Variants in NHSL1 observed in about 807,000 individuals in gnomAD.
NHSL1 encodes NHS like 1, also known as NHS-like protein 1.
A neutral mutation model predicts 95.0 loss-of-function variants in NHSL1; 48 were observed. The observed-to-expected ratio is 0.51, with a 90% CI of 0.40 to 0.64. NHSL1 has a LOEUF of 0.64. Ranked by LOEUF, NHSL1 falls within the 30% of genes least tolerant of loss-of-function variation. The pLI, the probability that NHSL1 is intolerant of heterozygous loss-of-function variation, is 0.00. For missense variants in NHSL1, 1,971 were observed against 2,077.7 expected (o/e 0.95, Z 1.00); for synonymous variants, 783 against 833.9 (o/e 0.94, Z 1.05).
At chr6:138,630,828 G>C (rs1382391672) in intron 1 of NHSL1, among the ~76,000 whole-genome samples, 4 of 152,206 alleles carry the variant, frequency 2.6e-5, no homozygotes, top group Non-Finnish European at 5.9e-5. Flanking sequence ...TGGTGGAATA[G>C]AAGGCTCCAC....
chr6:138,451,626 C>T (rs1231348356), intron 3 of NHSL1, among the ~76,000 whole-genome samples: 2 of 152,174 alleles, frequency 1.3e-5, no homozygotes, highest in Non-Finnish European at 1.5e-5. Context: ...TAGAACTTAT[C>T]TCACTTAATC....
rs540003960 is a variant in NHSL1, at chr6:138,624,879, C to T, written c.96+67597G>A. Among the ~76,000 whole-genome samples the T allele has an allele frequency of 2.6e-4, 39 of 152,222 alleles. No individual in the cohort carries two copies. The South Asian group carries it at 4.8e-3, about 19-fold the overall frequency. On this transcript the variant is annotated intron_variant, in intron 1 of 3. Coordinates refer to the NHSL1 transcript ENST00000491526. ...CTTATAATAGCTATACCTATCTCTA[C>T]CGTTTTCAATTACAGGTTTTCCTGA...
At chr6:138,687,955 CTT>C (rs71549004) in intron 1 of NHSL1, among the ~76,000 whole-genome samples, 2 of 148,552 alleles carry the variant, frequency 1.3e-5, no homozygotes, top group African/African-American at 2.4e-5. Flanking sequence ...AAATTGTACA[CTT>C]TTTTTTTTTG....
At chr6:138,592,059 G>T (rs1332451882) in intron 1 of NHSL1, among the ~76,000 whole-genome samples, 6 of 152,048 alleles carry the variant, frequency 3.9e-5, no homozygotes, top group Admixed American at 3.9e-4. Flanking sequence ...ATTATTCCAT[G>T]ACAATAAATG....
chr6:138,610,780 A>T (rs1583448186), intron 1 of NHSL1, among the ~76,000 whole-genome samples: 1 of 152,194 alleles, frequency 6.6e-6, no homozygotes, highest in East Asian at 1.9e-4. Flanking sequence ...CTGCATCTGA[A>T]AATAAAGGCA....
At chr6:138,452,010 A>G (rs1325105357) in intron 3 of NHSL1, among the ~76,000 whole-genome samples, 2 of 152,240 alleles carry the variant, frequency 1.3e-5, no homozygotes, top group African/African-American at 4.8e-5. Context: ...CTTCATGTTA[A>G]TGAAATCCCT....
chr6:138,432,195 C>T lies in NHSL1; in HGVS notation c.2150G>A (p.Gly717Asp). Residue 717 changes from glycine (G) to aspartate (D), a missense_variant, in exon 6 of 8, where the codon GGC becomes GAC. Physicochemically the swap from Gly to Asp is moderately conservative, Grantham distance 94 (BLOSUM62 -1). Around this residue, in one of 3 missense-constraint regions of NHSL1, gnomAD observed 1,602 missense variants for 1,654.5 expected, o/e 0.97. Transcript: ENST00000343505. The surrounding 1 kb of genome is among the most constrained non-coding windows in gnomAD (Gnocchi z 4.4). ...SLQLSLPGKS[G>D]SSPSQSPCSD... Reference sequence around the variant, plus strand: ...GCAGGGGCTCTGGGAGGGCGAGCTGCCACTCTTGCCTGGGAGGCTCAGCTG... The same window carrying T: ...GCAGGGGCTCTGGGAGGGCGAGCTGTCACTCTTGCCTGGGAGGCTCAGCTG... 6.5e-7 allele frequency: 1 copy of T among 1,546,748 alleles called. No individual in the cohort carries two copies. The highest frequency in any genetic ancestry group is 2.4e-5 in the East Asian group (1 of 40,826).
chr6:138,429,429 G>A (rs930809053), intron 7 of NHSL1, among the ~76,000 whole-genome samples: 1 of 152,156 alleles, frequency 6.6e-6, no homozygotes, highest in Non-Finnish European at 1.5e-5. Context: ...TCTGTCTTAT[G>A]ACTGCCACAC....
chr6:138,485,301 T>C (rs1262040901), intron 2 of NHSL1, among the ~76,000 whole-genome samples: 6 of 152,108 alleles, frequency 3.9e-5, no homozygotes, highest in Non-Finnish European at 8.8e-5. Context: ...GGAGTTAAAA[T>C]AGAATTGCTG....
rs1032309298 is a variant in NHSL1 at position 138,431,061 on chromosome 6, C to G, written c.3284G>C (p.Arg1095Pro). 3.9e-6 allele frequency: 6 copies of G among 1,552,018 alleles called. No homozygotes were observed. The highest frequency in any genetic ancestry group is 5.2e-6 in the Non-Finnish European group (6 of 1,147,076). Residue 1095 changes from arginine (R) to proline (P), a missense_variant, in exon 6 of 8, where the codon CGA becomes CCA. Physicochemically the swap from Arg to Pro is moderately radical, Grantham distance 103 (BLOSUM62 -2). Around this residue, in one of 3 missense-constraint regions of NHSL1, gnomAD observed 1,602 missense variants for 1,654.5 expected, o/e 0.97. Coordinates refer to ENST00000343505, the MANE Select transcript of NHSL1 (RefSeq NM_001144060.2). The surrounding 1 kb of genome is among the most constrained non-coding windows in gnomAD (Gnocchi z 4.0). Reference protein sequence around the residue: ...SGAEAAQLSERTAQEQRTPVA... With the variant: ...SGAEAAQLSEPTAQEQRTPVA... ...TGGAGTTCGTTGTTCCTGAGCTGTTCGTTCAGACAACTGTGCCGCCTCAGC... is the reference window on the plus strand; with the variant it reads ...TGGAGTTCGTTGTTCCTGAGCTGTTGGTTCAGACAACTGTGCCGCCTCAGC...
chr6:138,569,503 T>C (rs866510276), intron 1 of NHSL1, among the ~76,000 whole-genome samples: 3 of 152,246 alleles, frequency 2.0e-5, no homozygotes, highest in African/African-American at 7.2e-5. Context: ...CATATTTATT[T>C]GCAACCAAAT....
upstream of NHSL1, among the ~76,000 whole-genome samples, chr6:138,502,641 C>G (rs1246588725): frequency 6.6e-6 from 1 of 152,116 alleles, no homozygotes; most frequent in Non-Finnish European, 1.5e-5. Context: ...TTCTAATGAA[C>G]TAGACATGAA....
chr6:138,582,957 T>C (rs914571695), intron 1 of NHSL1, among the ~76,000 whole-genome samples: 4 of 152,182 alleles, frequency 2.6e-5, no homozygotes, highest in African/African-American at 4.8e-5. Flanking sequence ...AAAGCAGTCA[T>C]CAGTTACAAT....
At chr6:138,543,032 C>T (rs1281867053) in intron 1 of NHSL1, among the ~76,000 whole-genome samples, 1 of 152,126 alleles carries the variant, frequency 6.6e-6, no homozygotes, top group East Asian at 1.9e-4. Context: ...CTAAAGCATT[C>T]GGATTATAGG....
intron 3 of NHSL1, 111 bp downstream of exon 3, chr6:138,473,195 T>A: frequency 1.0e-6 from 1 of 952,516 alleles, no homozygotes. Flanking sequence ...CTTGAGACAA[T>A]ACTATTGATT....
intron 1 of NHSL1, among the ~76,000 whole-genome samples, chr6:138,617,277 T>A (rs1458575301): frequency 6.6e-6 from 1 of 152,162 alleles, no homozygotes; most frequent in Non-Finnish European, 1.5e-5. Context: ...AGGGGATCTT[T>A]CAGGCGGTGG....
intron 1 of NHSL1, among the ~76,000 whole-genome samples, chr6:138,689,805 G>A (rs1040333473): frequency 9.3e-5 from 14 of 150,302 alleles, no homozygotes; most frequent in Non-Finnish European, 1.3e-4. Context: ...TTTTGAGACA[G>A]TCTCGCTAAT....
intron 5 of NHSL1, among the ~76,000 whole-genome samples, chr6:138,435,724 G>GT (rs1347155087): frequency 6.9e-6 from 1 of 145,576 alleles, no homozygotes; most frequent in Non-Finnish European, 1.5e-5. Context: ...TTTTTTTTTT[G>GT]TTTTTTTGTT....
intron 2 of NHSL1, among the ~76,000 whole-genome samples, chr6:138,475,530 A>C (rs1779016662): frequency 6.6e-6 from 1 of 152,078 alleles, no homozygotes; most frequent in African/African-American, 2.4e-5. Context: ...ACCCGGTCTG[A>C]TTAGTAGTTT....
Sources: gnomAD v4.1 joint callset for allele counts (sites outside exome capture counted in the v4.1 genomes callset) on GRCh38, gnomAD v4.1.1 for gene constraint, gnomAD v4.1.1 regional missense constraint, Gnocchi (gnomAD v3.1) non-coding constraint, MANE v1.5 for transcripts, NCBI Gene and HGNC (gene_info 2026-07-23, HGNC 2026-07-21) for gene names.